Variants in TECPR2 observed in about 807,000 individuals in gnomAD.
The protein encoded by TECPR2 is tectonin beta-propeller repeat containing 2.
A neutral mutation model predicts 138.1 loss-of-function variants in TECPR2; 65 were observed. The ratio of observed to expected loss-of-function variants is 0.47; its 90% CI spans 0.39 to 0.58. TECPR2 has a LOEUF of 0.58. TECPR2 is among the 20% of genes least tolerant of loss of function. TECPR2 has a pLI of 0.00. For missense variants in TECPR2, 1,553 were observed against 1,824.5 expected (o/e 0.85, Z 2.71); for synonymous variants, 746 against 749.8 (o/e 0.99, Z 0.08).
chr14:102,428,214 T>TG, intron 6 of TECPR2, 36 bp from the exon 7 acceptor site: 1 of 1,492,070 alleles, frequency 6.7e-7, no homozygotes, highest in African/African-American at 1.5e-5. Flanking sequence ...TTTAGTTTTG[T>TG]GTTTTTTGTT....
chr14:102,378,100 T>G (rs1887689653), intron 2 of TECPR2, among the ~76,000 whole-genome samples: 2 of 152,228 alleles, frequency 1.3e-5, no homozygotes, highest in Admixed American at 1.3e-4. Context: ...ATCTGTAGTT[T>G]ATTGAGTACG....
rs1475597968 is a variant in TECPR2 at position 102,434,576 on chromosome 14, G to T, written c.1759G>T (p.Glu587Ter). 6.4e-7 allele frequency: 1 copy of T among 1,559,142 alleles called. No homozygotes were observed. Among genetic ancestry groups the T allele is most frequent in the African/African-American group, 1.4e-5 (1 of 73,874 alleles). ...GCGGGAGCTGCTCAATGGAGCGAGG[G>T]AAGATGTGGGAGGCAGTGATGTCAC... is the stretch of plus-strand genomic sequence containing the variant. Reference protein sequence around the residue: ...HGRELLNGAREDVGGSDVTGL... With the variant: ...HGRELLNGAR Residue 587 changes from glutamate (E) to a stop codon, truncating the protein, a stop_gained, in exon 9 of 20, where the codon GAA (glutamate) becomes TAA (stop). Transcript: ENST00000359520. LOFTEE classifies it high-confidence loss of function.
chr14:102,497,685 G>A lies in TECPR2; in HGVS notation c.4047G>A (p.Trp1349Ter). ...VTDKNPAGDY[W>*]KKIPGSVSCF... ...ACAAGAACCCCGCCGGGGACTACTG[G>A]AAGAAAATTCCCGGCAGCGTGTCGT... Residue 1349 changes from tryptophan to a stop codon, truncating the protein, a stop_gained, in exon 19 of 20, where the codon TGG becomes TGA. Coordinates refer to ENST00000359520, the MANE Select transcript of TECPR2 (RefSeq NM_014844.5). LOFTEE classifies it high-confidence loss of function. 1 of 1,609,508 alleles carries A rather than the reference G, an allele frequency of 6.2e-7. No homozygotes were observed. Among genetic ancestry groups the A allele is most frequent in the East Asian group, 2.2e-5 (1 of 44,750 alleles).
intron 17 of TECPR2, among the ~76,000 whole-genome samples, chr14:102,483,987 A>ATTG (rs1488549218): frequency 1.3e-5 from 1 of 77,304 alleles, no homozygotes; most frequent in Admixed American, 1.5e-4. Context: ...AGTAGAGACA[A>ATTG]GGTTTCACCA....
At chr14:102,425,732 C>T (rs1889301164) in intron 6 of TECPR2, among the ~76,000 whole-genome samples, 3 of 151,772 alleles carry the variant, frequency 2.0e-5, no homozygotes, top group South Asian at 2.1e-4. Context: ...CATGCCACCA[C>T]GCCTGGCTAA....
intron 17 of TECPR2, among the ~76,000 whole-genome samples, chr14:102,474,547 C>T (rs147766172): frequency 6.6e-6 from 1 of 152,222 alleles, no homozygotes; most frequent in East Asian, 1.9e-4. Flanking sequence ...TTGCTTAAAC[C>T]CGGGAGGCGG....
At position 102,449,725 on chromosome 14, in the gene TECPR2, G is replaced by A. The variant is rs149704865; in HGVS notation, c.3172G>A (p.Val1058Ile). 39 of 1,614,150 alleles carry A rather than the reference G, an allele frequency of 2.4e-5. No individual in the cohort carries two copies. Among genetic ancestry groups the A allele is most frequent in the East Asian group, 8.9e-5 (4 of 44,880 alleles). ...HSVATAAQAP[V>I]EKVADKLRMA... is the part of the protein sequence containing the mutation. ...GGTGGCCACAGCAGCCCAAGCCCCCGTAGAAAAGGTGGCAGATAAGCTGCG... is the reference window on the plus strand; with the variant it reads ...GGTGGCCACAGCAGCCCAAGCCCCCATAGAAAAGGTGGCAGATAAGCTGCG... Residue 1058 changes from valine (V) to isoleucine (I), a missense_variant, in exon 14 of 20, where the codon GTA becomes ATA. By Grantham distance (29) the Val-to-Ile change is conservative. Transcript: ENST00000359520.
intron 2 of TECPR2, among the ~76,000 whole-genome samples, chr14:102,385,379 A>G (rs756556494): frequency 1.3e-5 from 2 of 152,076 alleles, no homozygotes; most frequent in Admixed American, 6.6e-5. Context: ...CACTTTGGGG[A>G]TCAGACTTCA....
intron 13 of TECPR2, among the ~76,000 whole-genome samples, 165 bp downstream of exon 13, chr14:102,446,112 G>A (rs1350874009): frequency 1.3e-5 from 2 of 151,764 alleles, no homozygotes; most frequent in Non-Finnish European, 2.9e-5. Context: ...CGTCATCCAG[G>A]CGGAAGGGCA....
intron 2 of TECPR2, among the ~76,000 whole-genome samples, chr14:102,400,733 T>C (rs1888453976): frequency 6.6e-6 from 1 of 151,986 alleles, no homozygotes; most frequent in African/African-American, 2.4e-5. Flanking sequence ...CCTTAAGGCA[T>C]ATACAAAACA....
chr14:102,493,830 T>A (rs990747729), intron 17 of TECPR2, among the ~76,000 whole-genome samples: 1 of 152,210 alleles, frequency 6.6e-6, no homozygotes, highest in Non-Finnish European at 1.5e-5. Context: ...GCATCTGAGG[T>A]TCTGCGTGGA....
At chr14:102,410,487 A>T (rs1280779244) in intron 4 of TECPR2, among the ~76,000 whole-genome samples, 3 of 69,264 alleles carry the variant, frequency 4.3e-5, no homozygotes, top group South Asian at 4.1e-4. Flanking sequence ...AAAAATAAAA[A>T]ATAAAAAATA....
rs974509911 is a variant in TECPR2, at chr14:102,391,646, A to G, written c.219+14706A>G. Among the ~76,000 whole-genome samples the G allele has an allele frequency of 7.9e-5, 12 of 152,330 alleles. No individual in the cohort carries two copies. The South Asian group carries it at 1.7e-3, about 21-fold the overall frequency. ...AAATGAAGGCAAGGAGGATACCATA[A>G]AATGAGGTACTTCATATTTAACCAG... On this transcript the variant is annotated intron_variant, in intron 2 of 19. Coordinates refer to ENST00000359520, the MANE Select transcript of TECPR2 (RefSeq NM_014844.5).
At chr14:102,372,644 G>T (rs977755136) in intron 1 of TECPR2, among the ~76,000 whole-genome samples, 1 of 152,142 alleles carries the variant, frequency 6.6e-6, no homozygotes, top group Non-Finnish European at 1.5e-5. Context: ...GCAAGTCTGG[G>T]CGTGGTAGCT....
chr14:102,423,203 C>T lies in TECPR2; in HGVS notation c.639-1776C>T, dbSNP rs138023945. Among the ~76,000 whole-genome samples, 232 of 152,226 alleles carry T rather than the reference C, an allele frequency of 1.5e-3. 1 individual carries two copies. The highest frequency in any genetic ancestry group is 5.1e-3 in the African/African-American group (212 of 41,534). On this transcript the variant is annotated intron_variant, in intron 5 of 19. Coordinates refer to ENST00000359520, the MANE Select transcript of TECPR2 (RefSeq NM_014844.5). ...ATCCCAGCACTTTGGGAAGCCAAGG[C>T]AGGTGGATCACTTGAGGTCAGGAGT...
chr14:102,374,262 A>G (rs755021904), intron 1 of TECPR2, among the ~76,000 whole-genome samples: 2 of 152,114 alleles, frequency 1.3e-5, no homozygotes, highest in Non-Finnish European at 2.9e-5. Context: ...TGCTCTACAC[A>G]TTCAGAGAAA....
chr14:102,494,970 T>C (rs993075172), intron 17 of TECPR2, among the ~76,000 whole-genome samples: 6 of 152,180 alleles, frequency 3.9e-5, no homozygotes, highest in Non-Finnish European at 8.8e-5. Context: ...CTCAGCACTT[T>C]GGGAGGCCAA....
At chr14:102,385,561 G>A (rs1425309205) in intron 2 of TECPR2, among the ~76,000 whole-genome samples, 1 of 150,860 alleles carries the variant, frequency 6.6e-6, no homozygotes, top group African/African-American at 2.5e-5. Flanking sequence ...TCCACAGGCT[G>A]TACCAGAGAT....
chr14:102,483,792 T>TTTTTC (rs796920060), intron 17 of TECPR2, among the ~76,000 whole-genome samples: 1,093 of 9,188 alleles, frequency 0.12, 10 homozygotes, highest in African/African-American at 0.32. Context: ...TTTCCTTTTC[T>TTTTTC]TTTTTTTTTT....
Sources: gnomAD v4.1 joint callset for allele counts (sites outside exome capture counted in the v4.1 genomes callset) on GRCh38, gnomAD v4.1.1 for gene constraint, MANE v1.5 for transcripts, NCBI Gene and HGNC (gene_info 2026-07-23, HGNC 2026-07-21) for gene names.